Variants in PCDHGA8 observed in about 807,000 individuals in gnomAD.
PCDHGA8 encodes protocadherin gamma subfamily A, 8.
In PCDHGA8, 45 loss-of-function variants were observed where a neutral mutation model predicts 59.2. The observed-to-expected ratio is 0.76, with a 90% CI of 0.60 to 0.98. PCDHGA8 has a LOEUF of 0.98. PCDHGA8 is among the 50% of genes least tolerant of loss of function. The pLI is 0.00. For missense variants in PCDHGA8, 1,257 were observed against 1,196.2 expected (o/e 1.05, Z -0.75); for synonymous variants, 531 against 519.0 (o/e 1.02, Z -0.32).
At position 141,404,170 on chromosome 5, in the gene PCDHGA8, G is replaced by C. The variant is rs73279089; in HGVS notation, c.2424+8933G>C. Reference sequence around the variant, plus strand: ...AAGAAGATTATTACAGATTGTTGACGGCCCAAATTCTTGACCGAGAAAAAG... The same window carrying C: ...AAGAAGATTATTACAGATTGTTGACCGCCCAAATTCTTGACCGAGAAAAAG... On this transcript the variant is annotated intron_variant, in intron 1 of 3. Coordinates refer to ENST00000398604, the MANE Select transcript of PCDHGA8 (RefSeq NM_032088.2). The C allele has an allele frequency of 1.5e-3, 2,365 of 1,612,738 alleles. 32 individuals are homozygous for C. In the African/African-American group the frequency reaches 0.028, roughly 19 times the overall value.
intron 1 of PCDHGA8, chr5:141,417,260 G>A (rs1362206061): frequency 1.3e-5 from 2 of 152,174 alleles, no homozygotes; most frequent in Non-Finnish European, 2.9e-5. Context: ...CAGCTTCATA[G>A]ATAATTACTC....
rs191188858 is a variant in PCDHGA8, at chr5:141,472,077, A to G, written c.2425-22730A>G. On this transcript the variant is annotated intron_variant, in intron 1 of 3. Transcript: ENST00000398604. ...GATTGACATGTCTGTGGTTATATCA[A>G]TGAGTACTATTATTATTCCCATTTT... 2.4e-3 allele frequency among the ~76,000 whole-genome samples: 365 copies of G among 152,346 alleles called. 2 individuals carry two copies. Among genetic ancestry groups the G allele is most frequent in the African/African-American group, 8.4e-3 (351 of 41,580 alleles).
At chr5:141,423,328 G>C (rs1308803675) in intron 1 of PCDHGA8, 1 of 1,614,194 alleles carries the variant, frequency 6.2e-7, no homozygotes, top group African/African-American at 1.3e-5. Flanking sequence ...GGTGGCCGCA[G>C]TCTCCTGCAT....
At chr5:141,496,888 T>TAA (rs35063790) in intron 2 of PCDHGA8, among the ~76,000 whole-genome samples, 141 of 134,106 alleles carry the variant, frequency 1.1e-3, no homozygotes, top group East Asian at 2.4e-3. Context: ...AAGTAACACT[T>TAA]AAAAAAAAAA....
At chr5:141,509,040 C>G (rs1217864661) in intron 3 of PCDHGA8, among the ~76,000 whole-genome samples, 1 of 152,132 alleles carries the variant, frequency 6.6e-6, no homozygotes, top group Non-Finnish European at 1.5e-5. Context: ...CAACCCCTCT[C>G]CCCCGCCCCC....
intron 1 of PCDHGA8, chr5:141,478,359 G>A: frequency 6.2e-7 from 1 of 1,613,734 alleles, no homozygotes; most frequent in Non-Finnish European, 8.5e-7. Flanking sequence ...GACGCCGTGC[G>A]GGGAGGCCTG....
intron 1 of PCDHGA8, among the ~76,000 whole-genome samples, chr5:141,455,161 T>G (rs6861291): frequency 0.084 from 8,821 of 104,682 alleles, 480 homozygotes; most frequent in African/African-American, 0.22. Context: ...AGTTTGTTGG[T>G]TTTTTTTTTA....
chr5:141,489,287 T>C lies in PCDHGA8; in HGVS notation c.2425-5520T>C. 1 of 1,573,410 alleles carries C rather than the reference T, an allele frequency of 6.4e-7. No individual in the cohort carries two copies. Among genetic ancestry groups the C allele is most frequent in the Non-Finnish European group, 8.6e-7 (1 of 1,159,858 alleles). ...CAGCTCGCTGGGAAATGGCAAGTGC[T>C]GTGCATGTTGTCCTTGTGCTGCTGG... On this transcript the variant is annotated intron_variant, in intron 1 of 3. Transcript: ENST00000398604. The surrounding 1 kb of genome is among the most constrained non-coding windows in gnomAD (Gnocchi z 4.5).
At position 141,393,905 on chromosome 5, in the gene PCDHGA8, A is replaced by G; in HGVS notation, c.1092A>G (p.Thr364=). 1 of 1,614,030 alleles carries G rather than the reference A, an allele frequency of 6.2e-7. No individual in the cohort carries two copies. Among genetic ancestry groups the G allele is most frequent in the Non-Finnish European group, 8.5e-7 (1 of 1,179,888 alleles). The change falls in exon 1 of 4, where the codon ACA becomes ACG. Residue 364 remains threonine (T), a synonymous_variant. Coordinates refer to ENST00000398604, the MANE Select transcript of PCDHGA8 (RefSeq NM_032088.2). Reference sequence around the variant, plus strand: ...TGTTAGAAAATTCTCTTCCCGGGACAGTAATTGCCTTCTTGAGTGTGCATG... The same window carrying G: ...TGTTAGAAAATTCTCTTCCCGGGACGGTAATTGCCTTCTTGAGTGTGCATG... ...SPVLENSLPG[T]VIAFLSVHDQ...
In PCDHGA8 at chr5:141,431,628, A is replaced by C. The variant is rs1204083567; in HGVS notation, c.2424+36391A>C. Reference sequence around the variant, plus strand: ...CGGTATGTGGACGACAAGGCGGCCCAAGTTTTCAAACTAGATTGTAATTCA... The same window carrying C: ...CGGTATGTGGACGACAAGGCGGCCCCAGTTTTCAAACTAGATTGTAATTCA... On this transcript the variant is annotated intron_variant, in intron 1 of 3. Coordinates refer to ENST00000398604, the MANE Select transcript of PCDHGA8 (RefSeq NM_032088.2). The surrounding 1 kb of genome is among the most constrained non-coding windows in gnomAD (Gnocchi z 4.8). 1 of 1,614,256 alleles carries C rather than the reference A, an allele frequency of 6.2e-7. No individual in the cohort carries two copies. The highest frequency in any genetic ancestry group is 8.5e-7 in the Non-Finnish European group (1 of 1,180,050).
intron 1 of PCDHGA8, chr5:141,433,240 C>A (rs533423214): frequency 1.3e-6 from 2 of 1,488,038 alleles, no homozygotes; most frequent in Non-Finnish European, 1.8e-6. Flanking sequence ...GTCTCCCAAG[C>A]TGGAATGCAG....
At chr5:141,498,919 C>T (rs897611505) in intron 2 of PCDHGA8, among the ~76,000 whole-genome samples, 34 of 122,310 alleles carry the variant, frequency 2.8e-4, no homozygotes, top group African/African-American at 3.4e-4. Flanking sequence ...GGTGACAGAG[C>T]GAGACTCCAT....
chr5:141,489,148 C>G lies in PCDHGA8; in HGVS notation c.2425-5659C>G. 1 of 895,318 alleles carries G rather than the reference C, an allele frequency of 1.1e-6. No individual in the cohort carries two copies. Among genetic ancestry groups the G allele is most frequent in the Non-Finnish European group, 1.7e-6 (1 of 589,254 alleles). The allele number at this position is 895,318 out of a possible 1,614,324, so 55.5% of individuals were successfully genotyped here. A position where few individuals can be genotyped will look rare whatever the true frequency, so the allele number is the denominator to read the frequency against. ...CAGTTTTTAAGAGGCTGGAAGGAGA[C>G]ATAAGAGACTTCAGCTGCTGCATTC... On this transcript the variant is annotated intron_variant, in intron 1 of 3. Transcript: ENST00000398604. This position sits in a 1 kb window ranked among gnomAD's most constrained non-coding sequence, Gnocchi z 4.5.
intron 1 of PCDHGA8, among the ~76,000 whole-genome samples, chr5:141,450,223 G>A (rs1458841129): frequency 2.0e-5 from 3 of 151,818 alleles, no homozygotes; most frequent in Non-Finnish European, 4.4e-5. Context: ...TCACTATGTT[G>A]GCCAGGCTAG....
At chr5:141,440,983 G>A (rs2154559140) in intron 1 of PCDHGA8, 1 of 152,314 alleles carries the variant, frequency 6.6e-6, no homozygotes, top group South Asian at 2.1e-4. Flanking sequence ...TCACAACCCA[G>A]AGTACCCATA....
intron 1 of PCDHGA8, chr5:141,427,783 C>T (rs765131117): frequency 1.4e-6 from 2 of 1,460,966 alleles, no homozygotes; most frequent in Non-Finnish European, 1.9e-6. Flanking sequence ...CGGGCACTGT[C>T]GTCCTACGTG....
chr5:141,480,137 A>G (rs1183663599), intron 1 of PCDHGA8, among the ~76,000 whole-genome samples: 2 of 152,096 alleles, frequency 1.3e-5, no homozygotes, highest in Non-Finnish European at 2.9e-5. Context: ...CTGTTAAACA[A>G]TTATTAGCCA....
chr5:141,398,691 T>C, intron 1 of PCDHGA8: 1 of 1,613,876 alleles, frequency 6.2e-7, no homozygotes, highest in Non-Finnish European at 8.5e-7. Flanking sequence ...AACAGGATGG[T>C]AGTAAATACC....
intron 2 of PCDHGA8, among the ~76,000 whole-genome samples, chr5:141,504,238 G>A (rs1043662594): frequency 2.0e-5 from 3 of 152,228 alleles, no homozygotes; most frequent in African/African-American, 7.2e-5. Flanking sequence ...CTAAGAAGCA[G>A]AGAGTTCTTC....
Sources: gnomAD v4.1 joint callset for allele counts (sites outside exome capture counted in the v4.1 genomes callset) on GRCh38, gnomAD v4.1.1 for gene constraint, Gnocchi (gnomAD v3.1) non-coding constraint, MANE v1.5 for transcripts, NCBI Gene and HGNC (gene_info 2026-07-23, HGNC 2026-07-21) for gene names.